NEGR1: variants seen among roughly 807,000 people sequenced by gnomAD.
NEGR1 encodes the protein IgLON family member 4.
A neutral mutation model predicts 40.9 loss-of-function variants in NEGR1; 10 were observed. That is an observed-to-expected ratio of 0.24 (90% CI 0.15 to 0.42). The LOEUF is 0.42. NEGR1 is among the 10% of genes least tolerant of loss of function. NEGR1 has a pLI of 1.00. For synonymous variants in NEGR1, 185 were observed against 166.8 expected, an observed-to-expected ratio of 1.11 and a Z score of -0.84; for missense variants, 352 against 438.9, an observed-to-expected ratio of 0.80 and a Z score of 1.77.
intron 1 of NEGR1, among the ~76,000 whole-genome samples, chr1:72,272,833 G>T (rs755099178): frequency 6.6e-6 from 1 of 151,968 alleles, no homozygotes; most frequent in Non-Finnish European, 1.5e-5. Flanking sequence ...AGGGTTATAA[G>T]CATCTTCCCT....
chr1:72,250,736 G>A (rs1196054564), intron 1 of NEGR1, among the ~76,000 whole-genome samples: 1 of 152,102 alleles, frequency 6.6e-6, no homozygotes, highest in Non-Finnish European at 1.5e-5. Context: ...GTGATTACAT[G>A]TGCTCTTTTT....
Position 71,407,438 on chromosome 1 carries a change from C to G in NEGR1, c.*8G>C. 1 of 1,611,244 alleles carries G rather than the reference C, an allele frequency of 6.2e-7. No individual in the cohort carries two copies. Among genetic ancestry groups the G allele is most frequent in the Non-Finnish European group, 8.5e-7 (1 of 1,178,052 alleles). On this transcript the variant is annotated 3_prime_UTR_variant, in exon 7 of 7. Coordinates refer to ENST00000357731, the MANE Select transcript of NEGR1 (RefSeq NM_173808.3). ...GAATCCTTAAAAGCCTTTTATGGGT[C>G]TTTGAATTTATTGTAGAATGGCATT...
chr1:71,449,436 A>G (rs979022620), intron 6 of NEGR1, among the ~76,000 whole-genome samples: 1 of 152,192 alleles, frequency 6.6e-6, no homozygotes, highest in Non-Finnish European at 1.5e-5. Flanking sequence ...ATTGATGTTC[A>G]AATCTGAGCA....
chr1:71,535,959 T>G lies in NEGR1; in HGVS notation c.940+56858A>C, dbSNP rs186976251. On this transcript the variant is annotated intron_variant, in intron 6 of 6. Coordinates refer to ENST00000357731, the MANE Select transcript of NEGR1 (RefSeq NM_173808.3). ...TTGGAAGGATTAAAGACACTGTACT[T>G]TATATAAACAACCAAGTGAGAGTGA... Among the ~76,000 whole-genome samples the G allele has an allele frequency of 6.3e-3, 957 of 151,804 alleles. 1 individual carries two copies. Among genetic ancestry groups the G allele is most frequent in the Admixed American group, 0.01 (158 of 15,232 alleles).
intron 2 of NEGR1, among the ~76,000 whole-genome samples, chr1:71,918,002 G>A (rs890374133): frequency 6.7e-6 from 1 of 150,356 alleles, no homozygotes; most frequent in East Asian, 2.0e-4. Flanking sequence ...CGGATCACAA[G>A]GTCAGGAGAT....
At chr1:72,089,227 T>C (rs1648355894) in intron 1 of NEGR1, among the ~76,000 whole-genome samples, 1 of 152,152 alleles carries the variant, frequency 6.6e-6, no homozygotes, top group African/African-American at 2.4e-5. Context: ...GGAGCCATGA[T>C]GGAACCACTA....
At position 71,976,996 on chromosome 1, in the gene NEGR1, C is replaced by T. The variant is rs1646310466; in HGVS notation, c.177-41685G>A. On this transcript the variant is annotated intron_variant, in intron 1 of 6. Transcript: ENST00000357731. ...ATATGGAAATTTTAGATAATAGTTACAGAATTCTAGGTAATATGAGATATA... is the reference window on the plus strand; with the variant it reads ...ATATGGAAATTTTAGATAATAGTTATAGAATTCTAGGTAATATGAGATATA... 2.6e-5 allele frequency among the ~76,000 whole-genome samples: 4 copies of T among 152,016 alleles called. 1 individual carries two copies. In the South Asian group the frequency reaches 8.3e-4, roughly 32 times the overall value.
chr1:71,694,502 C>T (rs1035795179), intron 4 of NEGR1, among the ~76,000 whole-genome samples: 3 of 151,656 alleles, frequency 2.0e-5, no homozygotes, highest in African/African-American at 7.3e-5. Flanking sequence ...TCAAAATGAA[C>T]TGATTTATTC....
Position 71,402,284 on chromosome 1 carries a change from A to C in NEGR1, c.*5162T>G, listed in dbSNP as rs902332441. The stretch of plus-strand genomic sequence containing the variant: ...AAAGTGTTGAGAAAGCCACAATAGC[A>C]ACACTTGCAAAAGTGCTCCATTGTA... On this transcript the variant is annotated 3_prime_UTR_variant, in exon 7 of 7. Coordinates refer to ENST00000357731, the MANE Select transcript of NEGR1 (RefSeq NM_173808.3). 18 of 152,204 alleles carry C rather than the reference A, an allele frequency of 1.2e-4. No homozygotes were observed. Among genetic ancestry groups the C allele is most frequent in the Admixed American group, 1.2e-3 (18 of 15,274 alleles). The allele number at this position is 152,204 out of a possible 1,614,324, so 9.4% of individuals were successfully genotyped here.
At chr1:71,435,255 A>C (rs1646501293) in intron 6 of NEGR1, among the ~76,000 whole-genome samples, 1 of 152,324 alleles carries the variant, frequency 6.6e-6, no homozygotes, top group Non-Finnish European at 1.5e-5. Context: ...TCATACCTTT[A>C]GTCTCTAATA....
intron 2 of NEGR1, among the ~76,000 whole-genome samples, chr1:71,872,082 T>C (rs903872102): frequency 2.6e-5 from 4 of 152,150 alleles, no homozygotes; most frequent in East Asian, 1.9e-4. Context: ...GATGACAACA[T>C]AGGAGATGTC....
chr1:71,508,515 A>G, intron 6 of NEGR1, among the ~76,000 whole-genome samples: 1 of 152,344 alleles, frequency 6.6e-6, no homozygotes, highest in Non-Finnish European at 1.5e-5. Flanking sequence ...CTCCCTACCC[A>G]ATCATGTTGG....
At chr1:71,557,688 T>C (rs1648296269) in intron 6 of NEGR1, among the ~76,000 whole-genome samples, 2 of 151,646 alleles carry the variant, frequency 1.3e-5, no homozygotes, top group Non-Finnish European at 3.0e-5. Context: ...AAAAATCTTA[T>C]ATAACCATGG....
At chr1:71,871,467 C>T (rs1406000620) in intron 2 of NEGR1, among the ~76,000 whole-genome samples, 3 of 152,200 alleles carry the variant, frequency 2.0e-5, no homozygotes, top group Non-Finnish European at 2.9e-5. Flanking sequence ...AGAGTCATTT[C>T]GAGCCACTTT....
chr1:72,020,174 A>T (rs1374561501), intron 1 of NEGR1, among the ~76,000 whole-genome samples: 1 of 152,196 alleles, frequency 6.6e-6, no homozygotes, highest in East Asian at 1.9e-4. Flanking sequence ...AATATTTGAT[A>T]TATGGGTTAG....
At chr1:71,643,788 T>G (rs74088531) in intron 4 of NEGR1, among the ~76,000 whole-genome samples, 5,533 of 152,066 alleles carry the variant, frequency 0.036, 124 homozygotes, top group African/African-American at 0.071. Context: ...GTAAATAGAA[T>G]GCCTTCAAGA....
chr1:71,522,279 T>C (rs1647163744), intron 6 of NEGR1, among the ~76,000 whole-genome samples: 1 of 151,988 alleles, frequency 6.6e-6, no homozygotes, highest in South Asian at 2.1e-4. Context: ...GTTGAATTAG[T>C]GAATGCATTA....
intron 2 of NEGR1, among the ~76,000 whole-genome samples, chr1:71,920,829 C>T (rs1212119073): frequency 1.3e-5 from 2 of 152,092 alleles, no homozygotes; most frequent in African/African-American, 4.8e-5. Flanking sequence ...CTCACAGCTC[C>T]CAGGGTAAAT....
intron 6 of NEGR1, among the ~76,000 whole-genome samples, chr1:71,432,724 C>G (rs1646477946): frequency 6.6e-6 from 1 of 152,200 alleles, no homozygotes; most frequent in Non-Finnish European, 1.5e-5. Context: ...GTTCCTTGAT[C>G]CAACAATTCA....
Sources: allele counts gnomAD v4.1 joint callset (sites outside exome capture counted in the v4.1 genomes callset), GRCh38; gene constraint gnomAD v4.1.1; transcripts MANE v1.5; gene names NCBI Gene and HGNC (gene_info 2026-07-23, HGNC 2026-07-21).